Variants in MAGI2 observed in about 807,000 individuals in gnomAD.
The protein encoded by MAGI2 is membrane-associated guanylate kinase, WW and PDZ domain-containing protein 2.
MAGI2 carries 35 observed loss-of-function variants against 133.3 expected under a neutral mutation model. The observed-to-expected ratio is 0.26, with a 90% CI of 0.20 to 0.35. The LOEUF is 0.35. Among genes scored for constraint, MAGI2 ranks in the 10% least tolerant of loss-of-function variants. The pLI, the probability that MAGI2 is intolerant of heterozygous loss-of-function variation, is 1.00. For synonymous variants in MAGI2, 729 were observed against 710.6 expected, an observed-to-expected ratio of 1.03 and a Z score of -0.41; for missense variants, 1,636 against 1,863.4, an observed-to-expected ratio of 0.88 and a Z score of 2.25.
At chr7:78,790,120 A>G (rs915680548) in intron 2 of MAGI2, among the ~76,000 whole-genome samples, 1 of 152,176 alleles carries the variant, frequency 6.6e-6, no homozygotes, top group African/African-American at 2.4e-5. Flanking sequence ...CACTTGTCCA[A>G]TAAAATAAAA....
intron 1 of MAGI2, chr7:79,412,283 T>C (rs1159816736): frequency 6.6e-6 from 1 of 152,050 alleles, no homozygotes; most frequent in Non-Finnish European, 1.5e-5. Flanking sequence ...TTTCCAAGGG[T>C]CGTATGGAGC....
At position 79,068,722 on chromosome 7, in the gene MAGI2, A is replaced by C. The variant is rs201774231; in HGVS notation, c.302-61516T>G. On this transcript the variant is annotated intron_variant, in intron 1 of 21. Coordinates refer to ENST00000354212, the MANE Select transcript of MAGI2 (RefSeq NM_012301.4). Reference sequence around the variant, plus strand: ...ATCTTTCCTGCTTTCTCTTGTGGGCATTTAGTGCTATAAATTTCCCTCCAC... The same window carrying C: ...ATCTTTCCTGCTTTCTCTTGTGGGCCTTTAGTGCTATAAATTTCCCTCCAC... Among the ~76,000 whole-genome samples, 28 of 152,230 alleles carry C rather than the reference A, an allele frequency of 1.8e-4. No homozygotes were observed. In the East Asian group the frequency reaches 5.4e-3, roughly 29 times the overall value.
At chr7:78,188,696 C>G (rs1563235354) in intron 12 of MAGI2, among the ~76,000 whole-genome samples, 2 of 152,192 alleles carry the variant, frequency 1.3e-5, no homozygotes, top group Non-Finnish European at 2.9e-5. Flanking sequence ...CTTGATCTAG[C>G]ACAGTGTTCA....
chr7:78,311,966 T>C (rs1798748536), intron 9 of MAGI2, among the ~76,000 whole-genome samples: 1 of 152,096 alleles, frequency 6.6e-6, no homozygotes, highest in Non-Finnish European at 1.5e-5. Context: ...AGACGGGGTT[T>C]CACCATGTTG....
intron 1 of MAGI2, among the ~76,000 whole-genome samples, chr7:79,390,947 G>A (rs1402753878): frequency 6.6e-6 from 1 of 152,218 alleles, no homozygotes; most frequent in African/African-American, 2.4e-5. Flanking sequence ...TCATGGCCCA[G>A]AATAAACAGC....
At chr7:78,241,933 CA>C (rs57321733) in intron 10 of MAGI2, among the ~76,000 whole-genome samples, 340 of 130,040 alleles carry the variant, frequency 2.6e-3, no homozygotes, top group South Asian at 9.6e-3. Context: ...GAACCCGTCT[CA>C]AAAAAAAAAA....
In MAGI2 at chr7:78,589,369, T is replaced by C. The variant is rs538829707; in HGVS notation, c.538+37751A>G. 1.3e-4 allele frequency among the ~76,000 whole-genome samples: 20 copies of C among 152,306 alleles called. No individual in the cohort carries two copies. In the South Asian group the frequency reaches 4.1e-3, roughly 32 times the overall value. On this transcript the variant is annotated intron_variant, in intron 3 of 21. Transcript: ENST00000354212. ...GAACACAGAGAAGCTAAACAGCTTG[T>C]CCAGAATGTACATGGTTGATAAGTG...
At chr7:78,605,327 C>T (rs1032584472) in intron 3 of MAGI2, among the ~76,000 whole-genome samples, 7 of 152,132 alleles carry the variant, frequency 4.6e-5, no homozygotes, top group East Asian at 1.9e-4. Flanking sequence ...AAGAGTGACT[C>T]AGCATTCTAA....
intron 2 of MAGI2, among the ~76,000 whole-genome samples, chr7:78,668,899 T>A (rs1284159329): frequency 6.6e-6 from 1 of 151,708 alleles, no homozygotes; most frequent in East Asian, 1.9e-4. Context: ...CATACCAGAA[T>A]CTCTGGGACG....
In MAGI2 at chr7:78,830,283, T is replaced by G. The variant is rs1022846720; in HGVS notation, c.418+176807A>C. ...AGAAAACTATTTATGAAAATTCCTA[T>G]GTATTTTCTGACAATGTCTCTTACT... On this transcript the variant is annotated intron_variant, in intron 2 of 21. Coordinates refer to ENST00000354212, the MANE Select transcript of MAGI2 (RefSeq NM_012301.4). Among the ~76,000 whole-genome samples the G allele has an allele frequency of 3.3e-5, 5 of 152,270 alleles. No individual in the cohort carries two copies. In the South Asian group the frequency reaches 8.3e-4, roughly 25 times the overall value.
At chr7:78,154,112 A>G (rs1356108168) in intron 16 of MAGI2, among the ~76,000 whole-genome samples, 2 of 152,216 alleles carry the variant, frequency 1.3e-5, no homozygotes, top group East Asian at 3.8e-4. Flanking sequence ...CCCTTTTAGG[A>G]ACCATACTCT....
chr7:78,331,261 C>T (rs531734483), intron 9 of MAGI2, among the ~76,000 whole-genome samples: 55 of 152,296 alleles, frequency 3.6e-4, no homozygotes, highest in Non-Finnish European at 6.9e-4. Context: ...GGGTACTAAG[C>T]TCAATACCTG....
intron 2 of MAGI2, among the ~76,000 whole-genome samples, chr7:78,960,365 G>C (rs1802737504): frequency 1.3e-5 from 2 of 152,104 alleles, no homozygotes; most frequent in Admixed American, 6.6e-5. Flanking sequence ...TGTTACGTCA[G>C]CGTAGACTCA....
At chr7:78,145,590 G>T (rs932194036) in intron 16 of MAGI2, among the ~76,000 whole-genome samples, 1 of 152,100 alleles carries the variant, frequency 6.6e-6, no homozygotes, top group Non-Finnish European at 1.5e-5. Context: ...GGGCAAATTT[G>T]GCCCCCTGTT....
At chr7:78,486,752 T>C in intron 6 of MAGI2, 1 of 421,810 alleles carries the variant, frequency 2.4e-6, no homozygotes, top group South Asian at 1.9e-5. Flanking sequence ...ATCCATGGCC[T>C]CCTGCAATGT....
At chr7:79,115,333 A>T (rs901848471) in intron 1 of MAGI2, among the ~76,000 whole-genome samples, 1 of 152,234 alleles carries the variant, frequency 6.6e-6, no homozygotes, top group African/African-American at 2.4e-5. Flanking sequence ...CAAAGGAAAA[A>T]TTTAAAACAG....
intron 10 of MAGI2, among the ~76,000 whole-genome samples, chr7:78,236,446 A>G (rs562776975): frequency 2.0e-5 from 3 of 152,292 alleles, no homozygotes; most frequent in Non-Finnish European, 2.9e-5. Flanking sequence ...AACAGAATAA[A>G]ATAATTCAAC....
chr7:78,640,836 T>C (rs563100164), intron 2 of MAGI2, among the ~76,000 whole-genome samples: 1 of 152,350 alleles, frequency 6.6e-6, no homozygotes, highest in South Asian at 2.1e-4. Context: ...TATGGGGCAT[T>C]AGTGAATCCA....
intron 1 of MAGI2, among the ~76,000 whole-genome samples, chr7:79,370,699 C>G (rs1842997025): frequency 1.3e-5 from 2 of 151,568 alleles, no homozygotes; most frequent in African/African-American, 4.8e-5. Flanking sequence ...ACTAATGAAG[C>G]CATTATAGAA....
Sources: gnomAD v4.1 joint callset for allele counts (sites outside exome capture counted in the v4.1 genomes callset) on GRCh38, gnomAD v4.1.1 for gene constraint, MANE v1.5 for transcripts, NCBI Gene and HGNC (gene_info 2026-07-23, HGNC 2026-07-21) for gene names.